Variants in CCSER1 observed in about 807,000 individuals in gnomAD.
CCSER1 encodes serine-rich coiled-coil domain-containing protein 1.
Under a neutral mutation model 82.0 loss-of-function variants are expected in CCSER1, and 41 were observed. That is an observed-to-expected ratio of 0.50 (90% CI 0.39 to 0.65). CCSER1 has a LOEUF of 0.65. CCSER1 is among the 30% of genes least tolerant of loss of function. The probability of loss-of-function intolerance (pLI) is 0.00; values close to 1 mark genes in which losing one functional copy is unlikely to be tolerated. For missense variants in CCSER1, 1,119 were observed against 1,064.2 expected (o/e 1.05, Z -0.72); for synonymous variants, 414 against 383.9 (o/e 1.08, Z -0.92).
intron 10 of CCSER1, among the ~76,000 whole-genome samples, chr4:91,523,587 C>T (rs1760617687): frequency 6.6e-6 from 1 of 152,096 alleles, no homozygotes; most frequent in African/African-American, 2.4e-5. Flanking sequence ...GCAACTTCTT[C>T]CTGGTTTAGT....
intron 10 of CCSER1, among the ~76,000 whole-genome samples, chr4:91,421,297 G>A (rs1477206707): frequency 6.6e-6 from 1 of 152,168 alleles, no homozygotes; most frequent in East Asian, 1.9e-4. Context: ...AACCAGGAAA[G>A]CCTATGGTGT....
intron 9 of CCSER1, among the ~76,000 whole-genome samples, chr4:90,972,785 A>T (rs1029267144): frequency 6.6e-6 from 1 of 151,782 alleles, no homozygotes; most frequent in Non-Finnish European, 1.5e-5. Context: ...AAGTAATCAA[A>T]ACTGTATAGT....
intron 1 of CCSER1, among the ~76,000 whole-genome samples, chr4:90,284,407 A>G (rs535028816): frequency 6.6e-5 from 10 of 151,944 alleles, no homozygotes; most frequent in African/African-American, 2.2e-4. Flanking sequence ...TTGCCCAGAC[A>G]CATGTCCTGG....
At chr4:91,218,016 A>G (rs980390855) in intron 10 of CCSER1, among the ~76,000 whole-genome samples, 1 of 152,170 alleles carries the variant, frequency 6.6e-6, no homozygotes, top group African/African-American at 2.4e-5. Context: ...GCCGTGGAGC[A>G]GGGGGTGGTG....
At chr4:90,205,697 T>C (rs1047920756) in intron 1 of CCSER1, among the ~76,000 whole-genome samples, 1 of 152,220 alleles carries the variant, frequency 6.6e-6, no homozygotes, top group Non-Finnish European at 1.5e-5. Flanking sequence ...GGTATCAGGA[T>C]GATACTGGCT....
rs1056767264 is a variant in CCSER1, at chr4:91,599,416, C to G, written c.*359C>G. The G allele has an allele frequency of 1.2e-5, 2 of 162,116 alleles. No individual in the cohort carries two copies. Among genetic ancestry groups the G allele is most frequent in the Non-Finnish European group, 2.7e-5 (2 of 74,954 alleles). 10.0% of individuals were successfully genotyped at this position (162,116 alleles called of 1,614,324 possible). ...AGATAATATCAAATAGCAATCTGTT[C>G]ACTGTTAATGGTGTTACTATAAAAG... On this transcript the variant is annotated 3_prime_UTR_variant, in exon 11 of 11. Transcript: ENST00000509176.
chr4:91,150,798 C>A lies in CCSER1; in HGVS notation c.2217+64804C>A, dbSNP rs191843374. Among the ~76,000 whole-genome samples the A allele has an allele frequency of 6.0e-3, 920 of 152,258 alleles. 6 individuals carry two copies. Among genetic ancestry groups the A allele is most frequent in the African/African-American group, 0.021 (865 of 41,536 alleles). ...TATTGATTTGCATATGTTGAACCAG[C>A]CTTGCATCTCAGAGATGAAGCCCAC... On this transcript the variant is annotated intron_variant, in intron 10 of 10. Transcript: ENST00000509176.
intron 7 of CCSER1, among the ~76,000 whole-genome samples, chr4:90,787,676 A>G (rs920586005): frequency 3.9e-5 from 6 of 152,204 alleles, no homozygotes; most frequent in Admixed American, 2.6e-4. Context: ...CTTCTCTTAC[A>G]ACTTGATTAT....
intron 1 of CCSER1, among the ~76,000 whole-genome samples, chr4:90,229,956 C>A (rs1334470794): frequency 5.3e-5 from 8 of 152,082 alleles, no homozygotes; most frequent in Non-Finnish European, 1.2e-4. Flanking sequence ...AATAGGAGCA[C>A]CCAGATTCAT....
At chr4:91,177,480 G>T (rs1020300268) in intron 10 of CCSER1, among the ~76,000 whole-genome samples, 1 of 152,020 alleles carries the variant, frequency 6.6e-6, no homozygotes, top group African/African-American at 2.4e-5. Flanking sequence ...GCTACCAATT[G>T]TTGCCTCAAT....
intron 10 of CCSER1, among the ~76,000 whole-genome samples, chr4:91,369,636 G>A (rs945516753): frequency 6.8e-5 from 10 of 146,160 alleles, no homozygotes; most frequent in East Asian, 2.0e-4. Context: ...CATTAACAAG[G>A]TCCCAGGTCC....
intron 10 of CCSER1, among the ~76,000 whole-genome samples, chr4:91,260,971 G>A (rs986564765): frequency 1.5e-4 from 23 of 152,004 alleles, no homozygotes; most frequent in African/African-American, 5.6e-4. Context: ...CATCATGTTA[G>A]CCATGATGGT....
At chr4:90,944,851 A>G (rs992067378) in intron 9 of CCSER1, among the ~76,000 whole-genome samples, 13 of 151,948 alleles carry the variant, frequency 8.6e-5, no homozygotes, top group Admixed American at 2.6e-4. Flanking sequence ...AGTTGCTATA[A>G]CTCCTTCTTC....
chr4:91,566,410 G>A (rs1325945877), intron 10 of CCSER1, among the ~76,000 whole-genome samples: 8 of 152,250 alleles, frequency 5.3e-5, no homozygotes, highest in African/African-American at 1.7e-4. Context: ...CATAGAATGA[G>A]TTGGGGAGGA....
At chr4:90,534,722 AAATATTAACTG>A (rs891660414) in intron 5 of CCSER1, among the ~76,000 whole-genome samples, 100 of 152,348 alleles carry the variant, frequency 6.6e-4, no homozygotes, top group South Asian at 1.2e-3. Flanking sequence ...TGCAAGGAAG[AAATATTAACTG>A]GTCTACCAGT....
intron 1 of CCSER1, among the ~76,000 whole-genome samples, chr4:90,285,904 T>G (rs1386882945): frequency 6.6e-6 from 1 of 152,066 alleles, no homozygotes; most frequent in Non-Finnish European, 1.5e-5. Context: ...CATGTGTTTT[T>G]GTCCTTCATT....
intron 10 of CCSER1, among the ~76,000 whole-genome samples, chr4:91,170,110 T>C (rs964269751): frequency 6.6e-6 from 1 of 152,166 alleles, no homozygotes; most frequent in Admixed American, 6.5e-5. Flanking sequence ...CTTAAAAATA[T>C]AAAAGCTGGG....
rs1462404608 is a variant in CCSER1, at chr4:90,308,380, A to G, written c.96A>G (p.Ser32=). The G allele has an allele frequency of 1.2e-6, 2 of 1,613,570 alleles. No homozygotes were observed. The highest frequency in any genetic ancestry group is 1.7e-6 in the Non-Finnish European group (2 of 1,179,816). ...INRRHDSLPS[S]PSSSNTVGVH... ...GAAGACATGATTCTCTTCCTTCTTC[A>G]CCTTCTTCCAGTAATACAGTTGGTG... Residue 32 remains serine, a synonymous_variant, in exon 2 of 11, where the codon TCA becomes TCG. Transcript: ENST00000509176.
At chr4:90,838,740 C>G (rs1366485001) in intron 8 of CCSER1, among the ~76,000 whole-genome samples, 1 of 152,166 alleles carries the variant, frequency 6.6e-6, no homozygotes, top group Non-Finnish European at 1.5e-5. Context: ...GAAAGGCAGG[C>G]GCGGCCTTCG....
Sources: allele counts gnomAD v4.1 joint callset (sites outside exome capture counted in the v4.1 genomes callset), GRCh38; gene constraint gnomAD v4.1.1; transcripts MANE v1.5; gene names NCBI Gene and HGNC (gene_info 2026-07-23, HGNC 2026-07-21).